Variants in MINK1 observed in about 807,000 individuals in gnomAD.
The protein encoded by MINK1 is misshapen-like kinase 1.
MINK1 carries 46 observed loss-of-function variants against 178.4 expected under a neutral mutation model. The observed-to-expected ratio is 0.26, with a 90% CI of 0.20 to 0.33. The LOEUF (loss-of-function observed/expected upper bound fraction) is 0.33, where lower values mean the gene tolerates loss of function less well. Ranked by LOEUF, MINK1 falls within the 10% of genes least tolerant of loss-of-function variation. The probability of loss-of-function intolerance (pLI) is 1.00; values close to 1 mark genes in which losing one functional copy is unlikely to be tolerated. For missense variants in MINK1, 1,366 were observed against 1,814.9 expected, an observed-to-expected ratio of 0.75 and a Z score of 4.49; for synonymous variants, 797 against 709.7, an observed-to-expected ratio of 1.12 and a Z score of -1.96.
Position 4,895,478 on chromosome 17 carries a change from C to A in MINK1, c.3214C>A (p.Leu1072Ile). 6.3e-7 allele frequency: 1 copy of A among 1,586,972 alleles called. No individual in the cohort carries two copies. Among genetic ancestry groups the A allele is most frequent in the Non-Finnish European group, 8.6e-7 (1 of 1,164,806 alleles). The change falls in exon 26 of 32, where the codon CTC (leucine) becomes ATC (isoleucine). Residue 1072 changes from leucine (L) to isoleucine (I), a missense_variant. Around this residue, in one of 14 missense-constraint regions of MINK1, gnomAD observed 77 missense variants for 119.5 expected, o/e 0.64. Coordinates refer to ENST00000355280, the MANE Select transcript of MINK1 (RefSeq NM_153827.5). The surrounding 1 kb of genome is among the most constrained non-coding windows in gnomAD (Gnocchi z 4.3). Reference sequence around the variant, plus strand: ...GGATGTGCTGGAGGGGCTCAACCTGCTCATCACCATCTCAGGTACAGGTGT... The same window carrying A: ...GGATGTGCTGGAGGGGCTCAACCTGATCATCACCATCTCAGGTACAGGTGT... ...QMDVLEGLNL[L>I]ITISGKRNKL...
intron 1 of MINK1, among the ~76,000 whole-genome samples, chr17:4,844,330 T>A (rs1910683475): frequency 6.6e-6 from 1 of 152,100 alleles, no homozygotes; most frequent in Admixed American, 6.6e-5. Context: ...TGTGTGATAT[T>A]TCTGTGACTT....
chr17:4,891,208 A>ACACACACT (rs1968774333), intron 15 of MINK1, 84 bp downstream of exon 15: 2 of 898,864 alleles, frequency 2.2e-6, no homozygotes, highest in East Asian at 5.6e-5. Context: ...GCGCACACAC[A>ACACACACT]CACACACACA....
Position 4,896,046 on chromosome 17 carries a change from C to T in MINK1, c.3408C>T (p.Ser1136=), listed in dbSNP as rs1161247859. 6.2e-7 allele frequency: 1 copy of T among 1,607,054 alleles called. No homozygotes were observed. Among genetic ancestry groups the T allele is most frequent in the African/African-American group, 1.3e-5 (1 of 74,810 alleles). Residue 1136 remains serine, a synonymous_variant, in exon 28 of 32, where the codon AGC becomes AGT. Transcript: ENST00000355280. This position sits in a 1 kb window ranked among gnomAD's most constrained non-coding sequence, Gnocchi z 4.6. ...AGTTCCTGGTCATCGCCCTCAAGAG[C>T]TCCGTGGAGGTGTATGCCTGGGCCC... is the stretch of plus-strand genomic sequence containing the variant. ...RIKFLVIALK[S]SVEVYAWAPK... is the part of the protein sequence containing the mutation.
intron 17 of MINK1, 71 bp downstream of exon 17, chr17:4,892,305 C>A (rs940659092): frequency 1.3e-6 from 2 of 1,486,330 alleles, no homozygotes; most frequent in African/African-American, 2.9e-5. Flanking sequence ...GGCACAGGGA[C>A]TTTACCAGCC....
chr17:4,839,221 G>A (rs1909804966), intron 1 of MINK1, among the ~76,000 whole-genome samples: 1 of 152,130 alleles, frequency 6.6e-6, no homozygotes, highest in South Asian at 2.1e-4. Flanking sequence ...GGGATTACAG[G>A]CGCGAGCCAC....
chr17:4,889,696 A>AGCG lies in MINK1; in HGVS notation c.1286_1288dup (p.Arg429dup), dbSNP rs1567611577. ...CGGAAGCTGCAGGAGAAGGAGCAGC[A>AGCG]GCGGCGGCTGGAGGACATGCAGGCT... On this transcript the variant is annotated inframe_insertion, in exon 13 of 32. Coordinates refer to ENST00000355280, the MANE Select transcript of MINK1 (RefSeq NM_153827.5). The AGCG allele has an allele frequency of 6.4e-7, 1 of 1,559,312 alleles. No homozygotes were observed. Among genetic ancestry groups the AGCG allele is most frequent in the Non-Finnish European group, 8.7e-7 (1 of 1,154,176 alleles).
Position 4,885,010 on chromosome 17 carries a change from G to C in MINK1, c.508+8G>C, listed in dbSNP as rs548858282. On this transcript the variant is annotated splice_region_variant and intron_variant, in intron 6 of 31. Transcript: ENST00000355280. The surrounding 1 kb of genome is among the most constrained non-coding windows in gnomAD (Gnocchi z 5.0). ...ATGCTGAGGTCAAGCTAGGTGCGCC[G>C]GCTCCTTCTGAGGCTGACGAGGACC... 2 of 1,613,548 alleles carry C rather than the reference G, an allele frequency of 1.2e-6. No homozygotes were observed. Among genetic ancestry groups the C allele is most frequent in the Admixed American group, 3.3e-5 (2 of 59,980 alleles).
At chr17:4,860,396 C>CT (rs901656564) in intron 1 of MINK1, among the ~76,000 whole-genome samples, 3 of 152,180 alleles carry the variant, frequency 2.0e-5, no homozygotes, top group African/African-American at 7.2e-5. Flanking sequence ...TTCCTAGGCT[C>CT]TGAGTTTCAG....
At position 4,893,984 on chromosome 17, in the gene MINK1, A is replaced by T. The variant is rs752929067; in HGVS notation, c.2565-4A>T. 16 of 1,567,956 alleles carry T rather than the reference A, an allele frequency of 1.0e-5. No individual in the cohort carries two copies. The highest frequency in any genetic ancestry group is 1.3e-5 in the Non-Finnish European group (15 of 1,158,160). On this transcript the variant is annotated splice_polypyrimidine_tract_variant and splice_region_variant and intron_variant, in intron 21 of 31. Transcript: ENST00000355280. The stretch of plus-strand genomic sequence containing the variant: ...TGGAGGGGCCCCACCTTCCTCTCTC[A>T]CAGCAGCGATGGGGATACAGACAGC...
Position 4,894,425 on chromosome 17 carries a change from G to A in MINK1, c.2809-100G>A. On this transcript the variant is annotated intron_variant, in intron 23 of 31. Transcript: ENST00000355280. This position sits in a 1 kb window ranked among gnomAD's most constrained non-coding sequence, Gnocchi z 4.1. ...GCGGAGCGCTGGGAGCTGGACAGCGGGGGTGCCAGTTGGGGAGCTGGAGCC... is the reference window on the plus strand; with the variant it reads ...GCGGAGCGCTGGGAGCTGGACAGCGAGGGTGCCAGTTGGGGAGCTGGAGCC... 6.6e-7 allele frequency: 1 copy of A among 1,523,286 alleles called. No homozygotes were observed. The highest frequency in any genetic ancestry group is 1.2e-5 in the South Asian group (1 of 83,058). The allele number at this position is 1,523,286 out of a possible 1,614,324, so 94.4% of individuals were successfully genotyped here.
intron 13 of MINK1, 36 bp from the exon 14 acceptor site, chr17:4,890,480 AC>A (rs1469693959): frequency 6.4e-7 from 1 of 1,554,548 alleles, no homozygotes; most frequent in Admixed American, 1.9e-5. Context: ...CCAGGGCCAC[AC>A]CCTGCTGAGC....
In MINK1 at chr17:4,897,302, G is replaced by T. The variant is rs774707848; in HGVS notation, c.*15G>T. On this transcript the variant is annotated 3_prime_UTR_variant, in exon 32 of 32. Coordinates refer to ENST00000355280, the MANE Select transcript of MINK1 (RefSeq NM_153827.5). ...TGAACTGGTGACGGGGCCCTGGGCT[G>T]GGGCTGTCCCACACTGGACCCAGCT... 2 of 1,612,300 alleles carry T rather than the reference G, an allele frequency of 1.2e-6. No homozygotes were observed. Among genetic ancestry groups the T allele is most frequent in the Non-Finnish European group, 8.5e-7 (1 of 1,178,590 alleles).
chr17:4,881,102 C>G, intron 3 of MINK1, 30 bp from the exon 4 acceptor site: 2 of 1,536,822 alleles, frequency 1.3e-6, no homozygotes, highest in Non-Finnish European at 1.7e-6. Flanking sequence ...TTGGGGGAGT[C>G]TCAGGGCTCA....
intron 1 of MINK1, chr17:4,860,635 C>A: frequency 2.0e-6 from 1 of 491,008 alleles, no homozygotes; most frequent in East Asian, 6.0e-5. Flanking sequence ...ACATTTGCCC[C>A]TAGTTTTTCC....
At position 4,892,678 on chromosome 17, in the gene MINK1, G is replaced by C. The variant is rs372988988; in HGVS notation, c.2221G>C (p.Asp741His). Reference sequence around the variant, plus strand: ...CAGTAACCCCGACCTCAGGAGGAGCGACCCTGGCTGGGAACGCTCGGACAG... The same window carrying C: ...CAGTAACCCCGACCTCAGGAGGAGCCACCCTGGCTGGGAACGCTCGGACAG... ...ASSNPDLRRS[D>H]PGWERSDSVL... is the part of the protein sequence containing the mutation. The change falls in exon 19 of 32, where the codon GAC (aspartate) becomes CAC (histidine). Residue 741 changes from aspartate (D) to histidine (H), a missense_variant. Around this residue, in one of 14 missense-constraint regions of MINK1, gnomAD observed 709 missense variants for 692.3 expected, o/e 1.02. Coordinates refer to ENST00000355280, the MANE Select transcript of MINK1 (RefSeq NM_153827.5). The C allele has an allele frequency of 6.2e-7, 1 of 1,610,102 alleles. No individual in the cohort carries two copies. Among genetic ancestry groups the C allele is most frequent in the African/African-American group, 1.3e-5 (1 of 74,876 alleles).
intron 1 of MINK1, among the ~76,000 whole-genome samples, chr17:4,863,166 T>C (rs756748527): frequency 6.6e-6 from 1 of 152,194 alleles, no homozygotes; most frequent in Non-Finnish European, 1.5e-5. Flanking sequence ...ACTGAAACCA[T>C]AGGGTGGTTC....
chr17:4,892,532 A>C lies in MINK1; in HGVS notation c.2198+20A>C, dbSNP rs369578340. On this transcript the variant is annotated intron_variant, in intron 18 of 31. Coordinates refer to ENST00000355280, the MANE Select transcript of MINK1 (RefSeq NM_153827.5). Reference sequence around the variant, plus strand: ...CTCTAGGTAATAGAGTTGTCCCCCAACTCACTCTCACCTCTCACTTCTGCC... The same window carrying C: ...CTCTAGGTAATAGAGTTGTCCCCCACCTCACTCTCACCTCTCACTTCTGCC... The C allele has an allele frequency of 6.5e-7, 1 of 1,536,064 alleles. No homozygotes were observed.
intron 1 of MINK1, among the ~76,000 whole-genome samples, chr17:4,871,397 G>A (rs1048779221): frequency 6.6e-6 from 1 of 151,626 alleles, no homozygotes; most frequent in African/African-American, 2.4e-5. Context: ...TTATTATCTT[G>A]CCAAGGTTGG....
At chr17:4,839,495 T>G (rs988346173) in intron 1 of MINK1, among the ~76,000 whole-genome samples, 1 of 152,136 alleles carries the variant, frequency 6.6e-6, no homozygotes, top group South Asian at 2.1e-4. Context: ...CTCAAAGCAT[T>G]TCTTGAATTC....
Sources: gnomAD v4.1 joint callset for allele counts (sites outside exome capture counted in the v4.1 genomes callset) on GRCh38, gnomAD v4.1.1 for gene constraint, gnomAD v4.1.1 regional missense constraint, Gnocchi (gnomAD v3.1) non-coding constraint, MANE v1.5 for transcripts, NCBI Gene and HGNC (gene_info 2026-07-23, HGNC 2026-07-21) for gene names.